The following TRHDE variants were observed in gnomAD, a reference collection of about 807,000 sequenced individuals.
TRHDE encodes the protein thyrotropin-releasing hormone-degrading ectoenzyme.
TRHDE carries 72 observed loss-of-function variants against 125.7 expected under a neutral mutation model. The observed-to-expected ratio is 0.57, with a 90% CI of 0.47 to 0.70. The LOEUF is 0.70. Ranked by LOEUF, TRHDE falls within the 30% of genes least tolerant of loss-of-function variation. The pLI, the probability that TRHDE is intolerant of heterozygous loss-of-function variation, is 0.00. For missense variants in TRHDE, 1,110 were observed against 1,327.1 expected, an observed-to-expected ratio of 0.84 and a Z score of 2.54; for synonymous variants, 509 against 509.1, an observed-to-expected ratio of 1.00 and a Z score of 0.00.
intron 2 of TRHDE, among the ~76,000 whole-genome samples, chr12:72,289,410 C>T (rs1290420806): frequency 6.6e-6 from 1 of 152,058 alleles, no homozygotes; most frequent in African/African-American, 2.4e-5. Context: ...CCTTCTGGTA[C>T]AGAGATTGCA....
chr12:72,286,555 GTTTGGTTCAGAAAAAAATAT>G, intron 1 of TRHDE, 106 bp from the exon 2 acceptor site: 1 of 881,556 alleles, frequency 1.1e-6, no homozygotes, highest in Non-Finnish European at 1.7e-6. Flanking sequence ...ATGCACTTAA[GTTTGGTTCAGAAAAAAATAT>G]TGCAATTTGG....
At chr12:72,191,680 G>A (rs1281682963) in intron 2 of TRHDE, among the ~76,000 whole-genome samples, 1 of 152,070 alleles carries the variant, frequency 6.6e-6, no homozygotes, top group Non-Finnish European at 1.5e-5. Context: ...CAGAAACAGA[G>A]TATAGATATT....
intron 1 of TRHDE, among the ~76,000 whole-genome samples, chr12:72,092,158 A>G (rs186903518): frequency 2.0e-5 from 3 of 152,334 alleles, no homozygotes. Context: ...AATAAAAAAG[A>G]CTAACATACT....
chr12:72,107,860 T>C (rs1009702591), intron 2 of TRHDE, among the ~76,000 whole-genome samples: 1 of 152,122 alleles, frequency 6.6e-6, no homozygotes, highest in South Asian at 2.1e-4. Context: ...ATTTAATGAA[T>C]TGATTTATTG....
intron 3 of TRHDE, among the ~76,000 whole-genome samples, chr12:72,422,692 G>C (rs1391785132): frequency 2.6e-5 from 4 of 152,160 alleles, no homozygotes; most frequent in Admixed American, 1.3e-4. Flanking sequence ...CCTTCTGAGT[G>C]AAGATAAATT....
At chr12:72,185,211 C>T (rs1168866379) in intron 2 of TRHDE, among the ~76,000 whole-genome samples, 1 of 152,226 alleles carries the variant, frequency 6.6e-6, no homozygotes, top group Non-Finnish European at 1.5e-5. Context: ...GGAGGGTGTA[C>T]TGGGTCCCCC....
chr12:72,167,069 T>G (rs576261138), intron 2 of TRHDE, among the ~76,000 whole-genome samples: 173 of 152,152 alleles, frequency 1.1e-3, no homozygotes, highest in African/African-American at 4.0e-3. Context: ...GGCTGAGGCA[T>G]GTGTCCTTTA....
chr12:72,567,596 G>A (rs980063499), intron 9 of TRHDE, among the ~76,000 whole-genome samples: 2 of 151,830 alleles, frequency 1.3e-5, no homozygotes, highest in Middle Eastern at 3.2e-3. Flanking sequence ...CATGTTTCCC[G>A]AACATTTTTT....
upstream of TRHDE, among the ~76,000 whole-genome samples, chr12:72,268,668 C>CA (rs1299046827): frequency 5.3e-5 from 8 of 151,858 alleles, no homozygotes; most frequent in African/African-American, 1.9e-4. Context: ...TGAAAAGAAA[C>CA]AAAAAAGGCA....
At chr12:72,187,485 T>G in intron 2 of TRHDE, among the ~76,000 whole-genome samples, 1 of 134,042 alleles carries the variant, frequency 7.5e-6, no homozygotes, top group Non-Finnish European at 1.6e-5. Context: ...GTCGTGGTGG[T>G]GGTGGTGGTG....
chr12:72,096,716 C>T (rs1874931373), intron 1 of TRHDE, among the ~76,000 whole-genome samples: 1 of 152,228 alleles, frequency 6.6e-6, no homozygotes, highest in Non-Finnish European at 1.5e-5. Flanking sequence ...CCCAGCTCAA[C>T]CTAGCTTAAG....
chr12:72,211,166 T>A (rs902805483), intron 2 of TRHDE, among the ~76,000 whole-genome samples: 1 of 152,130 alleles, frequency 6.6e-6, no homozygotes, highest in Non-Finnish European at 1.5e-5. Flanking sequence ...GCCCAACTCT[T>A]TTGGATTACA....
At chr12:72,104,381 A>G (rs897879655) in intron 1 of TRHDE, among the ~76,000 whole-genome samples, 3 of 152,134 alleles carry the variant, frequency 2.0e-5, no homozygotes, top group Non-Finnish European at 2.9e-5. Context: ...GAGAGGGTAA[A>G]GCACACTTAG....
At chr12:72,582,904 T>A (rs911770771) in intron 12 of TRHDE, among the ~76,000 whole-genome samples, 9 of 152,202 alleles carry the variant, frequency 5.9e-5, no homozygotes, top group African/African-American at 2.2e-4. Context: ...ATTTATTTAA[T>A]CCCTATCTTT....
intron 2 of TRHDE, among the ~76,000 whole-genome samples, chr12:72,288,979 C>G (rs1169102835): frequency 6.6e-6 from 1 of 152,120 alleles, no homozygotes; most frequent in Non-Finnish European, 1.5e-5. Context: ...GTTGGGAGCT[C>G]TTATTTATCA....
chr12:72,483,102 A>G (rs1240569200), intron 5 of TRHDE, among the ~76,000 whole-genome samples: 1 of 151,408 alleles, frequency 6.6e-6, no homozygotes, highest in African/African-American at 2.4e-5. Flanking sequence ...TTCTTCTTTC[A>G]TTTAATAAAC....
chr12:72,198,231 T>G, intron 2 of TRHDE, among the ~76,000 whole-genome samples: 1 of 152,144 alleles, frequency 6.6e-6, no homozygotes. Context: ...ATTTGGGTTG[T>G]TTTTCCTTTT....
intron 2 of TRHDE, chr12:72,253,674 A>G (rs1878739789): frequency 6.6e-6 from 1 of 152,180 alleles, no homozygotes. Context: ...TGATGAAAAT[A>G]AGGTTTTTAA....
intron 2 of TRHDE, among the ~76,000 whole-genome samples, chr12:72,300,727 T>A (rs1868251436): frequency 6.6e-6 from 1 of 151,918 alleles, no homozygotes; most frequent in African/African-American, 2.4e-5. Flanking sequence ...ATCTCCATGG[T>A]ACATAGCATA....
Sources: gnomAD v4.1 joint callset for allele counts (sites outside exome capture counted in the v4.1 genomes callset) on GRCh38, gnomAD v4.1.1 for gene constraint, MANE v1.5 for transcripts, NCBI Gene and HGNC (gene_info 2026-07-23, HGNC 2026-07-21) for gene names.